Variants in TCEAL3 observed in about 807,000 individuals in gnomAD.
TCEAL3 encodes transcription elongation factor A protein-like 3.
For missense variants in TCEAL3, 99 were observed against 156.4 expected (o/e 0.63, Z 1.96); for synonymous variants, 41 against 60.2 (o/e 0.68, Z 1.48).
rs778377635 is a variant in TCEAL3 at position 103,609,363 on chromosome X, G to A, written c.299G>A (p.Arg100His). Residue 100 changes from arginine (R) to histidine (H), a missense_variant, in exon 3 of 3, where the codon CGC (arginine) becomes CAC (histidine). Coordinates refer to ENST00000372627, the MANE Select transcript of TCEAL3 (RefSeq NM_032926.3). ...PESQPRAAEK[R>H]PAEDYVPRKA... The stretch of plus-strand genomic sequence containing the variant: ...AGCCAGCCGCGGGCCGCCGAAAAGC[G>A]CCCGGCTGAAGATTATGTGCCCCGG... 4.1e-6 allele frequency: 5 copies of A among 1,210,041 alleles called. No homozygotes were observed. The highest frequency in any genetic ancestry group is 1.8e-5 in the South Asian group (1 of 56,822).
chrX:103,609,364 C>A lies in TCEAL3; in HGVS notation c.300C>A (p.Arg100=), dbSNP rs2073645703. ...GCCAGCCGCGGGCCGCCGAAAAGCG[C>A]CCGGCTGAAGATTATGTGCCCCGGA... The part of the protein sequence containing the change: ...PESQPRAAEK[R]PAEDYVPRKA... The change falls in exon 3 of 3, where the codon CGC becomes CGA. Residue 100 remains arginine, a synonymous_variant. Transcript: ENST00000372627. 8.3e-7 allele frequency: 1 copy of A among 1,211,750 alleles called. No individual in the cohort carries two copies. Among genetic ancestry groups the A allele is most frequent in the Non-Finnish European group, 1.1e-6 (1 of 895,519 alleles).
intron 2 of TCEAL3, 146 bp downstream of exon 2, chrX:103,608,819 A>T: frequency 2.0e-6 from 1 of 512,174 alleles, no homozygotes; most frequent in East Asian, 3.8e-5. Context: ...ACCAGTGCAG[A>T]GAAGGTGGCA....
chrX:103,609,698 A>G lies in TCEAL3; in HGVS notation c.*31A>G. ...TTGGCCTTCCATTCTGATTTCTCTGATGAGAATATTGCTGGCCCTGCTTTC... is the reference window on the plus strand; with the variant it reads ...TTGGCCTTCCATTCTGATTTCTCTGGTGAGAATATTGCTGGCCCTGCTTTC... On this transcript the variant is annotated 3_prime_UTR_variant, in exon 3 of 3. Coordinates refer to ENST00000372627, the MANE Select transcript of TCEAL3 (RefSeq NM_032926.3). The G allele has an allele frequency of 1.7e-6, 2 of 1,195,892 alleles. No homozygotes were observed. Among genetic ancestry groups the G allele is most frequent in the Non-Finnish European group, 2.3e-6 (2 of 886,297 alleles).
At position 103,609,670 on chromosome X, in the gene TCEAL3, C is replaced by T. The variant is rs1443380349; in HGVS notation, c.*3C>T. The T allele has an allele frequency of 5.8e-6, 7 of 1,202,683 alleles. No individual in the cohort carries two copies. Among genetic ancestry groups the T allele is most frequent in the African/African-American group, 3.5e-5 (2 of 56,853 alleles). On this transcript the variant is annotated 3_prime_UTR_variant, in exon 3 of 3. Transcript: ENST00000372627. ...TACACGATATCCCATACCTTTAATG[C>T]CTTTGGCCTTCCATTCTGATTTCTC... is the stretch of plus-strand genomic sequence containing the variant.
In TCEAL3 at chrX:103,609,295, G is replaced by A; in HGVS notation, c.231G>A (p.Lys77=). 8.3e-7 allele frequency: 1 copy of A among 1,211,965 alleles called. No individual in the cohort carries two copies. The highest frequency in any genetic ancestry group is 3.0e-5 in the East Asian group (1 of 33,794). ...AGGGCAGGTCCGAAGGTGAGGGCAAGCCACAAGGCGAGGGCAAGCCAGCCT... is the reference window on the plus strand; with the variant it reads ...AGGGCAGGTCCGAAGGTGAGGGCAAACCACAAGGCGAGGGCAAGCCAGCCT... ...EKQGRSEGEG[K]PQGEGKPASQ... The change falls in exon 3 of 3, where the codon AAG becomes AAA. Residue 77 remains lysine, a synonymous_variant. Coordinates refer to ENST00000372627, the MANE Select transcript of TCEAL3 (RefSeq NM_032926.3).
In TCEAL3 at chrX:103,608,680, G is replaced by A. The variant is rs1415034300; in HGVS notation, c.-28+7G>A. ...CTGTCCAGAATCCCTGCAGGTCTGT[G>A]AAGGTGGTTGTGGGGGAGCTCAATG... On this transcript the variant is annotated splice_region_variant and intron_variant, in intron 2 of 2. Coordinates refer to ENST00000372627, the MANE Select transcript of TCEAL3 (RefSeq NM_032926.3). 1 of 580,160 alleles carries A rather than the reference G, an allele frequency of 1.7e-6. No individual in the cohort carries two copies. The highest frequency in any genetic ancestry group is 2.3e-5 in the African/African-American group (1 of 44,005). The allele number at this position is 580,160 out of a possible 1,213,427, so 47.8% of individuals were successfully genotyped here.
chrX:103,608,926 A>T, intron 2 of TCEAL3, 112 bp from the exon 3 acceptor site: 2 of 1,038,539 alleles, frequency 1.9e-6, no homozygotes, highest in South Asian at 5.1e-5. Flanking sequence ...AGCTTAGGGG[A>T]ACCCTCACCA....
chrX:103,609,658 A>G lies in TCEAL3; in HGVS notation c.594A>G (p.Pro198=), dbSNP rs1196582395. 7 of 1,209,786 alleles carry G rather than the reference A, an allele frequency of 5.8e-6. No individual in the cohort carries two copies. Among genetic ancestry groups the G allele is most frequent in the Non-Finnish European group, 7.8e-6 (7 of 894,236 alleles). ...GRGQRGLHDI[P]YL ...GCCAGAGGGGCTTACACGATATCCC[A>G]TACCTTTAATGCCTTTGGCCTTCCA... Residue 198 remains proline (P), a synonymous_variant, in exon 3 of 3, where the codon CCA becomes CCG. Coordinates refer to ENST00000372627, the MANE Select transcript of TCEAL3 (RefSeq NM_032926.3).
At chrX:103,608,271 G>T (rs1233480037) in intron 1 of TCEAL3, among the ~76,000 whole-genome samples, 5 of 112,952 alleles carry the variant, frequency 4.4e-5, no homozygotes, top group African/African-American at 6.4e-5. Context: ...ATGGAGTACG[G>T]GGGGGCAACC....
At chrX:103,608,987 G>C (rs1339353955) in intron 2 of TCEAL3, 51 bp from the exon 3 acceptor site, 1 of 1,149,254 alleles carries the variant, frequency 8.7e-7, no homozygotes, top group South Asian at 2.1e-5. Flanking sequence ...CATGCCCTCA[G>C]TCTCCCATGT....
At chrX:103,608,226 C>G (rs2073638684) in intron 1 of TCEAL3, among the ~76,000 whole-genome samples, 168 bp downstream of exon 1, 1 of 112,891 alleles carries the variant, frequency 8.9e-6, no homozygotes, top group South Asian at 3.6e-4. Context: ...CGACGACCCC[C>G]TGCACTGAGC....
Position 103,609,688 on chromosome X carries a change from G to A in TCEAL3, c.*21G>A, listed in dbSNP as rs552600040. 4.2e-6 allele frequency: 5 copies of A among 1,197,353 alleles called. No individual in the cohort carries two copies. Among genetic ancestry groups the A allele is most frequent in the African/African-American group, 3.5e-5 (2 of 56,764 alleles). ...TTTAATGCCTTTGGCCTTCCATTCTGATTTCTCTGATGAGAATATTGCTGG... is the reference window on the plus strand; with the variant it reads ...TTTAATGCCTTTGGCCTTCCATTCTAATTTCTCTGATGAGAATATTGCTGG... On this transcript the variant is annotated 3_prime_UTR_variant, in exon 3 of 3. Coordinates refer to ENST00000372627, the MANE Select transcript of TCEAL3 (RefSeq NM_032926.3).
Position 103,609,820 on chromosome X carries a change from G to A in TCEAL3, c.*153G>A, listed in dbSNP as rs1478753164. ...ACCAGCAGCCTTTTGACCCAACTAC[G>A]GCGCTCTATATTTTAGTAGAGGATT... On this transcript the variant is annotated 3_prime_UTR_variant, in exon 3 of 3. Coordinates refer to ENST00000372627, the MANE Select transcript of TCEAL3 (RefSeq NM_032926.3). 6 of 696,763 alleles carry A rather than the reference G, an allele frequency of 8.6e-6. No individual in the cohort carries two copies. Among genetic ancestry groups the A allele is most frequent in the African/African-American group, 4.4e-5 (2 of 45,174 alleles). The allele number at this position is 696,763 out of a possible 1,213,427, so 57.4% of individuals were successfully genotyped here.
chrX:103,608,697 A>G, intron 2 of TCEAL3, 24 bp downstream of exon 2: 1 of 529,213 alleles, frequency 1.9e-6, no homozygotes, highest in South Asian at 3.0e-5. Flanking sequence ...GTTGTGGGGG[A>G]GCTCAATGGA....
Position 103,608,692 on chromosome X carries a change from G to T in TCEAL3, c.-28+19G>T, listed in dbSNP as rs1035325099. ...CCTGCAGGTCTGTGAAGGTGGTTGT[G>T]GGGGAGCTCAATGGACAGGGCCCTA... On this transcript the variant is annotated intron_variant, in intron 2 of 2. Coordinates refer to ENST00000372627, the MANE Select transcript of TCEAL3 (RefSeq NM_032926.3). 6 of 551,368 alleles carry T rather than the reference G, an allele frequency of 1.1e-5. No individual in the cohort carries two copies. Among genetic ancestry groups the T allele is most frequent in the Admixed American group, 6.1e-5 (2 of 32,805 alleles). The allele number at this position is 551,368 out of a possible 1,213,427, so 45.4% of individuals were successfully genotyped here.
In TCEAL3 at chrX:103,609,328, A is replaced by C. The variant is rs754106506; in HGVS notation, c.264A>C (p.Ala88=). ...PQGEGKPASQ[A]KPESQPRAAE... ...GCGAGGGCAAGCCAGCCTCCCAGGC[A>C]AAGCCAGAGAGCCAGCCGCGGGCCG... Residue 88 remains alanine (A), a synonymous_variant, in exon 3 of 3, where the codon GCA becomes GCC. Coordinates refer to ENST00000372627, the MANE Select transcript of TCEAL3 (RefSeq NM_032926.3). 6.6e-6 allele frequency: 8 copies of C among 1,212,285 alleles called. No individual in the cohort carries two copies. Among genetic ancestry groups the C allele is most frequent in the Non-Finnish European group, 6.7e-6 (6 of 895,654 alleles).
chrX:103,608,975 C>T, intron 2 of TCEAL3, 63 bp from the exon 3 acceptor site: 1 of 1,142,914 alleles, frequency 8.7e-7, no homozygotes, highest in Non-Finnish European at 1.2e-6. Flanking sequence ...TGCATTCCAC[C>T]CCATGCCCTC....
At chrX:103,608,399 A>G (rs929986645) in intron 1 of TCEAL3, among the ~76,000 whole-genome samples, 1 of 112,606 alleles carries the variant, frequency 8.9e-6, no homozygotes, top group African/African-American at 3.2e-5. Flanking sequence ...GGTTGCCTCC[A>G]GGGGAAGGGG....
In TCEAL3 at chrX:103,609,602, G is replaced by T. The variant is rs138411921; in HGVS notation, c.538G>T (p.Gly180Cys). ...QDPFAPRGQR[G>C]VRGVRGGGRG... ...TCCATTCGCCCCAAGGGGACAACGG[G>T]GTGTCAGGGGAGTGAGGGGTGGAGG... Residue 180 changes from glycine (G) to cysteine (C), a missense_variant, in exon 3 of 3, where the codon GGT (glycine) becomes TGT (cysteine). By Grantham distance (159) the Gly-to-Cys change is radical. Coordinates refer to ENST00000372627, the MANE Select transcript of TCEAL3 (RefSeq NM_032926.3). 25 of 1,209,616 alleles carry T rather than the reference G, an allele frequency of 2.1e-5. No individual in the cohort carries two copies. Among genetic ancestry groups the T allele is most frequent in the Non-Finnish European group, 2.8e-5 (25 of 895,034 alleles).
Sources: gnomAD v4.1 joint callset for allele counts (sites outside exome capture counted in the v4.1 genomes callset) on GRCh38, gnomAD v4.1.1 for gene constraint, MANE v1.5 for transcripts, NCBI Gene and HGNC (gene_info 2026-07-23, HGNC 2026-07-21) for gene names.